CPD: variants seen among roughly 807,000 people sequenced by gnomAD.
CPD encodes the protein metallocarboxypeptidase D.
Under a neutral mutation model 138.3 loss-of-function variants are expected in CPD, and 69 were observed. The ratio of observed to expected loss-of-function variants is 0.50; its 90% CI spans 0.41 to 0.61. The LOEUF is 0.61. Among genes scored for constraint, CPD ranks in the 20% least tolerant of loss-of-function variants. CPD has a pLI of 0.00. For synonymous variants in CPD, 651 were observed against 642.1 expected, an observed-to-expected ratio of 1.01 and a Z score of -0.21; for missense variants, 1,432 against 1,733.3, an observed-to-expected ratio of 0.83 and a Z score of 3.09.
At chr17:30,384,365 T>G (rs923046442) in intron 1 of CPD, among the ~76,000 whole-genome samples, 19 of 152,194 alleles carry the variant, frequency 1.2e-4, no homozygotes, top group Non-Finnish European at 7.3e-5. Flanking sequence ...GGACGGTAAA[T>G]GTAAAAAGCA....
chr17:30,450,057 CTTTTT>C (rs931263363), intron 13 of CPD, among the ~76,000 whole-genome samples: 2 of 137,868 alleles, frequency 1.5e-5, no homozygotes. Flanking sequence ...TAGTTCTTTA[CTTTTT>C]TTTTTTTTTT....
At chr17:30,405,519 T>C (rs1310303101) in intron 2 of CPD, among the ~76,000 whole-genome samples, 1 of 152,160 alleles carries the variant, frequency 6.6e-6, no homozygotes, top group East Asian at 1.9e-4. Context: ...CTAGTTAACC[T>C]AGTCAACCAC....
chr17:30,457,151 C>G (rs11868860), intron 17 of CPD, among the ~76,000 whole-genome samples: 3 of 152,176 alleles, frequency 2.0e-5, no homozygotes, highest in African/African-American at 7.2e-5. Context: ...TCTCCCACGG[C>G]TCCTGGAACC....
chr17:30,407,359 T>C (rs565895404), intron 2 of CPD, among the ~76,000 whole-genome samples: 8 of 152,330 alleles, frequency 5.3e-5, no homozygotes, highest in African/African-American at 1.9e-4. Context: ...TCAAATGTTA[T>C]TTCTAGTTCT....
chr17:30,462,512 C>A, intron 20 of CPD, 43 bp downstream of exon 20: 1 of 1,426,582 alleles, frequency 7.0e-7, no homozygotes. Flanking sequence ...TAAAAACAAT[C>A]TTGACATTTC....
At chr17:30,423,139 C>T (rs1157749050) in intron 5 of CPD, 116 bp downstream of exon 5, 2 of 749,668 alleles carry the variant, frequency 2.7e-6, no homozygotes, top group Non-Finnish European at 4.1e-6. Context: ...ATTAAGAAAA[C>T]CTAACTAAAA....
intron 2 of CPD, among the ~76,000 whole-genome samples, chr17:30,414,549 C>CTCCA (rs1490621557): frequency 6.6e-6 from 1 of 151,054 alleles, no homozygotes; most frequent in Non-Finnish European, 1.5e-5. Flanking sequence ...CACCACTGCA[C>CTCCA]TCCAGCCTGG....
At chr17:30,387,623 C>T (rs1911228016) in intron 2 of CPD, among the ~76,000 whole-genome samples, 1 of 152,022 alleles carries the variant, frequency 6.6e-6, no homozygotes, top group Non-Finnish European at 1.5e-5. Context: ...AGGAGTCTGC[C>T]CATGATGAAA....
chr17:30,426,199 CA>C (rs35054719), intron 6 of CPD, among the ~76,000 whole-genome samples: 60,676 of 105,316 alleles, frequency 0.58, 14,454 homozygotes, highest in East Asian at 0.78. Flanking sequence ...GGCTCCGTCT[CA>C]AAAAAAAAAA....
intron 8 of CPD, among the ~76,000 whole-genome samples, chr17:30,437,052 G>A (rs1316240343): frequency 6.7e-6 from 1 of 149,688 alleles, no homozygotes; most frequent in African/African-American, 2.4e-5. Context: ...CAGTTTATAT[G>A]TAATGTTCAG....
chr17:30,419,720 A>G (rs990972324), intron 2 of CPD, among the ~76,000 whole-genome samples: 3 of 152,240 alleles, frequency 2.0e-5, no homozygotes, highest in Admixed American at 6.5e-5. Context: ...TTCACTTTGC[A>G]TATAAATAAA....
chr17:30,460,542 A>C (rs1371192406), intron 17 of CPD, among the ~76,000 whole-genome samples: 1 of 152,246 alleles, frequency 6.6e-6, no homozygotes, highest in African/African-American at 2.4e-5. Context: ...TAGAATTGAC[A>C]AGATTCAGCA....
In CPD at chr17:30,442,454, A is replaced by C. The variant is rs1277347041; in HGVS notation, c.2373+4A>C. 6.2e-7 allele frequency: 1 copy of C among 1,612,846 alleles called. No individual in the cohort carries two copies. Among genetic ancestry groups the C allele is most frequent in the Non-Finnish European group, 8.5e-7 (1 of 1,179,184 alleles). The stretch of plus-strand genomic sequence containing the variant: ...ACTAATCCAGTTTATGAAACAGGTG[A>C]CTATTCAGGAGTGAAGTATGAAATT... On this transcript the variant is annotated splice_donor_region_variant and intron_variant, in intron 10 of 20. Coordinates refer to ENST00000225719, the MANE Select transcript of CPD (RefSeq NM_001304.5).
At chr17:30,402,474 G>A (rs532897223) in intron 2 of CPD, among the ~76,000 whole-genome samples, 4 of 152,318 alleles carry the variant, frequency 2.6e-5, no homozygotes, top group Admixed American at 2.6e-4. Context: ...GCTGAGGGAC[G>A]AGAATTGCTT....
At chr17:30,401,398 C>CCTT (rs1387986514) in intron 2 of CPD, among the ~76,000 whole-genome samples, 1 of 150,760 alleles carries the variant, frequency 6.6e-6, no homozygotes. Context: ...TCCTCTTCTT[C>CCTT]CTCCTCCTCT....
At chr17:30,395,616 T>C (rs1911483190) in intron 2 of CPD, among the ~76,000 whole-genome samples, 1 of 152,082 alleles carries the variant, frequency 6.6e-6, no homozygotes, top group Non-Finnish European at 1.5e-5. Context: ...AACACTCCTT[T>C]AGGATTTGGC....
intron 10 of CPD, among the ~76,000 whole-genome samples, chr17:30,442,829 G>C (rs1377191906): frequency 6.6e-6 from 1 of 152,044 alleles, no homozygotes; most frequent in African/African-American, 2.4e-5. Context: ...TCTTTTTCTT[G>C]TTGCCAGTGA....
chr17:30,395,666 T>A (rs979668743), intron 2 of CPD, among the ~76,000 whole-genome samples: 1 of 151,978 alleles, frequency 6.6e-6, no homozygotes, highest in Non-Finnish European at 1.5e-5. Context: ...TTGGATGTAC[T>A]TTTTTCTTTT....
At chr17:30,433,683 G>A (rs143260729) in intron 8 of CPD, among the ~76,000 whole-genome samples, 5 of 152,252 alleles carry the variant, frequency 3.3e-5, no homozygotes, top group Admixed American at 1.3e-4. Context: ...TTCCTGTTTA[G>A]CTACTTGACT....
Sources: gnomAD v4.1 joint callset for allele counts (sites outside exome capture counted in the v4.1 genomes callset) on GRCh38, gnomAD v4.1.1 for gene constraint, MANE v1.5 for transcripts, NCBI Gene and HGNC (gene_info 2026-07-23, HGNC 2026-07-21) for gene names.